The following PRKCB variants were observed in gnomAD, a reference collection of about 807,000 sequenced individuals.
PRKCB encodes protein kinase C beta, also known as protein kinase C beta type.
In PRKCB, 13 loss-of-function variants were observed where a neutral mutation model predicts 81.5. That is an observed-to-expected ratio of 0.16 (90% CI 0.10 to 0.25). The LOEUF (loss-of-function observed/expected upper bound fraction) is 0.25, where lower values mean the gene tolerates loss of function less well. PRKCB is among the 10% of genes least tolerant of loss of function. PRKCB has a pLI of 1.00. For missense variants in PRKCB, 509 were observed against 875.7 expected, an observed-to-expected ratio of 0.58 and a Z score of 5.29; for synonymous variants, 335 against 321.4, an observed-to-expected ratio of 1.04 and a Z score of -0.45.
intron 2 of PRKCB, among the ~76,000 whole-genome samples, chr16:23,873,296 C>T (rs527709459): frequency 6.5e-4 from 98 of 151,052 alleles, no homozygotes; most frequent in African/African-American, 2.3e-3. Flanking sequence ...TTGCTTGAGC[C>T]TGGGAGGTGG....
At chr16:24,113,428 C>T (rs111953721) in intron 8 of PRKCB, among the ~76,000 whole-genome samples, 30,979 of 148,726 alleles carry the variant, frequency 0.21, 4,020 homozygotes, top group East Asian at 0.39. Flanking sequence ...TCTTTCTTTT[C>T]TTTCTCTCTC....
intron 2 of PRKCB, among the ~76,000 whole-genome samples, chr16:23,926,387 G>C (rs1004157360): frequency 2.1e-4 from 32 of 151,874 alleles, no homozygotes; most frequent in African/African-American, 7.3e-4. Flanking sequence ...AGGAGGCCGA[G>C]GTGGAAGAAT....
intron 2 of PRKCB, among the ~76,000 whole-genome samples, chr16:23,928,027 G>A (rs973949500): frequency 2.0e-5 from 3 of 152,058 alleles, no homozygotes; most frequent in African/African-American, 7.2e-5. Flanking sequence ...CAGGCGAGAA[G>A]AGAGGAGGGG....
chr16:23,841,488 T>C, intron 2 of PRKCB, among the ~76,000 whole-genome samples: 1 of 151,896 alleles, frequency 6.6e-6, no homozygotes, highest in East Asian at 1.9e-4. Flanking sequence ...TCTTCTTTTA[T>C]TTTAAATTTT....
intron 15 of PRKCB, among the ~76,000 whole-genome samples, chr16:24,190,610 C>T (rs1967777189): frequency 1.3e-5 from 2 of 150,290 alleles, no homozygotes; most frequent in Admixed American, 1.3e-4. Flanking sequence ...ACCTCCGCTT[C>T]CCGGGTTCAA....
intron 5 of PRKCB, among the ~76,000 whole-genome samples, chr16:24,079,537 CCTT>C (rs968726491): frequency 2.0e-5 from 3 of 152,108 alleles, no homozygotes; most frequent in African/African-American, 4.8e-5. Flanking sequence ...TTGAATGTCT[CCTT>C]CTTCCAAATT....
intron 2 of PRKCB, among the ~76,000 whole-genome samples, chr16:23,857,306 C>T (rs1962584733): frequency 6.6e-6 from 1 of 152,112 alleles, no homozygotes; most frequent in Non-Finnish European, 1.5e-5. Context: ...GCTGCTTATC[C>T]TGGGGGATAA....
chr16:23,866,286 C>T (rs1000695470), intron 2 of PRKCB, among the ~76,000 whole-genome samples: 5 of 152,058 alleles, frequency 3.3e-5, no homozygotes, highest in Non-Finnish European at 7.4e-5. Flanking sequence ...TCCCCATACA[C>T]GTATCTTCTG....
At chr16:24,000,204 G>A (rs971410490) in intron 3 of PRKCB, among the ~76,000 whole-genome samples, 5 of 152,158 alleles carry the variant, frequency 3.3e-5, no homozygotes, top group African/African-American at 4.8e-5. Context: ...TAACCCAAGA[G>A]GCCATAGCAG....
intron 8 of PRKCB, among the ~76,000 whole-genome samples, chr16:24,117,026 A>G (rs1966743499): frequency 6.8e-6 from 1 of 147,400 alleles, no homozygotes. Flanking sequence ...GAGCCTGCAA[A>G]TGCTTGTTTA....
intron 5 of PRKCB, among the ~76,000 whole-genome samples, chr16:24,082,393 G>T (rs1255621175): frequency 6.6e-6 from 1 of 152,144 alleles, no homozygotes; most frequent in Non-Finnish European, 1.5e-5. Context: ...AGTGAATCCA[G>T]AATGGCCAAA....
chr16:24,206,280 C>T (rs377185434), intron 16 of PRKCB, among the ~76,000 whole-genome samples: 17 of 152,272 alleles, frequency 1.1e-4, no homozygotes, highest in East Asian at 5.8e-4. Flanking sequence ...CTCCTGTATT[C>T]GGCTGTGGGA....
chr16:24,097,494 AAATC>A (rs1302153857), intron 7 of PRKCB, among the ~76,000 whole-genome samples: 4 of 152,348 alleles, frequency 2.6e-5, no homozygotes, highest in African/African-American at 7.2e-5. Context: ...CGCAAATGAC[AAATC>A]AATGACAACA....
At chr16:24,048,072 C>CCTGA (rs1567356186) in intron 5 of PRKCB, among the ~76,000 whole-genome samples, 2 of 152,220 alleles carry the variant, frequency 1.3e-5, no homozygotes, top group African/African-American at 4.8e-5. Context: ...AAGATGCAGT[C>CCTGA]GCAGCTCCTG....
chr16:24,212,402 TA>T (rs35650101), intron 16 of PRKCB, among the ~76,000 whole-genome samples: 22,390 of 97,084 alleles, frequency 0.23, 2,772 homozygotes, highest in African/African-American at 0.31. Context: ...TTCTGTGCTT[TA>T]AAAAAAAAAA....
chr16:23,881,122 C>T (rs990409633), intron 2 of PRKCB, among the ~76,000 whole-genome samples: 4 of 152,140 alleles, frequency 2.6e-5, no homozygotes, highest in African/African-American at 9.7e-5. Flanking sequence ...GTTTGCCTCT[C>T]CTCTTCACTC....
chr16:23,867,046 TTCC>T (rs1161214642), intron 2 of PRKCB, among the ~76,000 whole-genome samples: 6 of 83,746 alleles, frequency 7.2e-5, no homozygotes, highest in South Asian at 6.9e-4. Context: ...CCTTCCTTCC[TTCC>T]TTCTCTCTCT....
At chr16:24,192,191 TG>T in intron 16 of PRKCB, among the ~76,000 whole-genome samples, 1 of 152,382 alleles carries the variant, frequency 6.6e-6, no homozygotes. Context: ...AGGCACGTAA[TG>T]ATAATAGTTT....
intron 2 of PRKCB, among the ~76,000 whole-genome samples, chr16:23,855,468 A>G (rs959164347): frequency 1.3e-5 from 2 of 152,218 alleles, no homozygotes; most frequent in Admixed American, 1.3e-4. Flanking sequence ...CAAAAATGAA[A>G]ACAAAAATCA....
Sources: allele counts gnomAD v4.1 joint callset (sites outside exome capture counted in the v4.1 genomes callset), GRCh38; gene constraint gnomAD v4.1.1; transcripts MANE v1.5; gene names NCBI Gene and HGNC (gene_info 2026-07-23, HGNC 2026-07-21).